Variants in PTPRD observed in about 807,000 individuals in gnomAD.
The protein encoded by PTPRD is protein tyrosine phosphatase receptor type D, also known as receptor-type tyrosine-protein phosphatase delta.
Under a neutral mutation model 214.5 loss-of-function variants are expected in PTPRD, and 34 were observed. That is an observed-to-expected ratio of 0.16 (90% CI 0.12 to 0.21). The LOEUF (loss-of-function observed/expected upper bound fraction) is 0.21, where lower values mean the gene tolerates loss of function less well. PTPRD is among the 10% of genes least tolerant of loss of function. The pLI, the probability that PTPRD is intolerant of heterozygous loss-of-function variation, is 1.00. For synonymous variants in PTPRD, 1,128 were observed against 845.7 expected (o/e 1.33, Z -5.79); for missense variants, 2,545 against 2,398.7 (o/e 1.06, Z -1.27).
chr9:8,734,917 A>T (rs2089782952), intron 11 of PTPRD, among the ~76,000 whole-genome samples: 1 of 152,168 alleles, frequency 6.6e-6, no homozygotes, highest in Non-Finnish European at 1.5e-5. Context: ...AAGATGACGA[A>T]AAGGCATTCC....
chr9:9,357,646 C>G (rs1369114443), intron 9 of PTPRD, among the ~76,000 whole-genome samples: 1 of 150,700 alleles, frequency 6.6e-6, no homozygotes. Flanking sequence ...AAATATAGGT[C>G]TTTTGGCTAT....
chr9:10,009,592 T>C (rs1000505115), intron 4 of PTPRD, among the ~76,000 whole-genome samples: 2 of 151,936 alleles, frequency 1.3e-5, no homozygotes, highest in Non-Finnish European at 2.9e-5. Flanking sequence ...CATAGGTGCC[T>C]ACCTTAGAGG....
chr9:8,691,872 C>T (rs1359416973), intron 12 of PTPRD, among the ~76,000 whole-genome samples: 3 of 152,294 alleles, frequency 2.0e-5, no homozygotes, highest in African/African-American at 4.8e-5. Context: ...TATATACTGG[C>T]TTGCATTTCA....
intron 3 of PTPRD, among the ~76,000 whole-genome samples, chr9:10,156,557 G>C (rs568755964): frequency 5.3e-5 from 8 of 152,114 alleles, no homozygotes; most frequent in Admixed American, 6.6e-5. Flanking sequence ...ATATATGATT[G>C]TTTGGTCTAT....
chr9:9,045,395 T>C (rs183029663), intron 10 of PTPRD, among the ~76,000 whole-genome samples: 132 of 151,756 alleles, frequency 8.7e-4, no homozygotes, highest in Non-Finnish European at 1.3e-3. Context: ...GTCGTGAGCA[T>C]GTGGGAGGGT....
intron 7 of PTPRD, among the ~76,000 whole-genome samples, chr9:9,673,249 T>C (rs1040964197): frequency 2.0e-5 from 3 of 151,988 alleles, no homozygotes; most frequent in African/African-American, 7.2e-5. Flanking sequence ...TTAATTTTCA[T>C]TATTCCACCA....
chr9:8,773,161 G>A (rs1437844153), intron 11 of PTPRD, among the ~76,000 whole-genome samples: 1 of 152,090 alleles, frequency 6.6e-6, no homozygotes, highest in East Asian at 1.9e-4. Context: ...TTTTTGAGTG[G>A]TTCTTTCCCC....
rs368829924 is a variant in PTPRD at position 9,919,294 on chromosome 9, A to T, written c.-368+19213T>A. ...GACCTCCAGTCATCTCTCTGAGTCA[A>T]TTCCATTGAGCTGGGTGAATTGGTG... On this transcript the variant is annotated intron_variant, in intron 5 of 45. Coordinates refer to ENST00000381196, the MANE Select transcript of PTPRD (RefSeq NM_002839.4). Among the ~76,000 whole-genome samples the T allele has an allele frequency of 1.6e-3, 242 of 152,172 alleles. 3 individuals carry two copies. Among genetic ancestry groups the T allele is most frequent in the South Asian group, 0.015 (70 of 4,820 alleles).
chr9:9,134,972 A>C (rs968699759), intron 10 of PTPRD, among the ~76,000 whole-genome samples: 2 of 152,154 alleles, frequency 1.3e-5, no homozygotes, highest in Non-Finnish European at 2.9e-5. Context: ...CAATATAATC[A>C]ATGATTATAG....
chr9:9,768,271 G>T (rs1363436602), intron 5 of PTPRD, among the ~76,000 whole-genome samples: 1 of 152,138 alleles, frequency 6.6e-6, no homozygotes, highest in African/African-American at 2.4e-5. Context: ...CAGTTGTAAA[G>T]ATTAAATGAG....
chr9:9,218,156 G>A (rs1225443649), intron 9 of PTPRD, among the ~76,000 whole-genome samples: 3 of 152,090 alleles, frequency 2.0e-5, no homozygotes, highest in Non-Finnish European at 4.4e-5. Flanking sequence ...TTTGGGAATT[G>A]CTTCTTTCGT....
intron 9 of PTPRD, among the ~76,000 whole-genome samples, chr9:9,208,293 C>T (rs550861446): frequency 6.4e-4 from 97 of 151,752 alleles, no homozygotes; most frequent in South Asian, 1.0e-3. Context: ...GGATTACAGG[C>T]GTGAGCCACC....
chr9:10,188,183 TTCTACTTATTTTCATTC>T (rs1482514058), intron 3 of PTPRD, among the ~76,000 whole-genome samples: 1 of 152,216 alleles, frequency 6.6e-6, no homozygotes. Context: ...TTCCTGCCAA[TTCTACTTATTTTCATTC>T]ATTTTATGGA....
At chr9:9,974,885 G>A in intron 4 of PTPRD, among the ~76,000 whole-genome samples, 1 of 152,204 alleles carries the variant, frequency 6.6e-6, no homozygotes, top group Middle Eastern at 3.4e-3. Flanking sequence ...TTCATTCAGT[G>A]GGAAAAGGGG....
At chr9:8,752,206 G>A (rs1002023641) in intron 11 of PTPRD, among the ~76,000 whole-genome samples, 44 of 152,078 alleles carry the variant, frequency 2.9e-4, no homozygotes, top group African/African-American at 9.4e-4. Context: ...TAGGAGGTCC[G>A]CACAAGATAC....
At chr9:10,359,760 T>C (rs1420110730) in intron 2 of PTPRD, among the ~76,000 whole-genome samples, 1 of 152,188 alleles carries the variant, frequency 6.6e-6, no homozygotes, top group East Asian at 1.9e-4. Flanking sequence ...ATTATTCTGC[T>C]TAACAATTTT....
At chr9:8,820,890 G>A (rs1217034258) in intron 11 of PTPRD, among the ~76,000 whole-genome samples, 1 of 152,146 alleles carries the variant, frequency 6.6e-6, no homozygotes, top group Non-Finnish European at 1.5e-5. Context: ...AAGTCAAGGA[G>A]TCTACTTATT....
At chr9:8,752,275 C>T (rs986393257) in intron 11 of PTPRD, among the ~76,000 whole-genome samples, 7 of 152,238 alleles carry the variant, frequency 4.6e-5, no homozygotes, top group African/African-American at 1.7e-4. Context: ...CTAAAACCCA[C>T]CAAAACCAAG....
At chr9:9,891,425 A>G (rs2073285288) in intron 5 of PTPRD, among the ~76,000 whole-genome samples, 1 of 151,536 alleles carries the variant, frequency 6.6e-6, no homozygotes, top group South Asian at 2.1e-4. Flanking sequence ...GCTGTGAGCA[A>G]TTTGTCATTT....
Sources: allele counts gnomAD v4.1 joint callset (sites outside exome capture counted in the v4.1 genomes callset), GRCh38; gene constraint gnomAD v4.1.1; transcripts MANE v1.5; gene names NCBI Gene and HGNC (gene_info 2026-07-23, HGNC 2026-07-21).